The following VTI1A variants were observed in gnomAD, a reference collection of about 807,000 sequenced individuals.
VTI1A encodes the protein vesicle transport through interaction with t-SNAREs homolog 1A.
In VTI1A, 22 loss-of-function variants were observed where a neutral mutation model predicts 34.9. The observed-to-expected ratio is 0.63, with a 90% CI of 0.45 to 0.90. The LOEUF (loss-of-function observed/expected upper bound fraction) is 0.90. Ranked by LOEUF, VTI1A falls within the 40% of genes least tolerant of loss-of-function variation. The pLI, the probability that VTI1A is intolerant of heterozygous loss-of-function variation, is 0.00. For missense variants in VTI1A, 268 were observed against 275.6 expected (o/e 0.97, Z 0.20); for synonymous variants, 87 against 97.3 (o/e 0.89, Z 0.62).
intron 7 of VTI1A, among the ~76,000 whole-genome samples, chr10:112,802,693 A>G (rs895729256): frequency 6.6e-6 from 1 of 152,246 alleles, no homozygotes; most frequent in South Asian, 2.1e-4. Context: ...CATGCTTTAC[A>G]GATGTTCAGA....
rs1848513311 is a variant in VTI1A at position 112,688,660 on chromosome 10, T to TA, written c.560+19663dup. 3.9e-5 allele frequency among the ~76,000 whole-genome samples: 6 copies of TA among 152,056 alleles called. No individual in the cohort carries two copies. In the South Asian group the frequency reaches 1.2e-3, roughly 32 times the overall value. The stretch of plus-strand genomic sequence containing the variant: ...CCTCAGCCTCCCTAGTACCTGGGAT[T>TA]ACAGGCACATACCACCACACCCAGC... On this transcript the variant is annotated intron_variant, in intron 7 of 7. Coordinates refer to ENST00000393077, the MANE Select transcript of VTI1A (RefSeq NM_145206.4).
chr10:112,598,047 G>T (rs1844734514), intron 5 of VTI1A, among the ~76,000 whole-genome samples: 1 of 152,078 alleles, frequency 6.6e-6, no homozygotes, highest in South Asian at 2.1e-4. Flanking sequence ...ACCTATGAGG[G>T]ATACCTGGTG....
At chr10:112,773,315 A>G (rs936268918) in intron 7 of VTI1A, among the ~76,000 whole-genome samples, 4 of 152,314 alleles carry the variant, frequency 2.6e-5, no homozygotes, top group Middle Eastern at 3.4e-3. Flanking sequence ...AGTACCTGGT[A>G]CCTAGTTGCC....
intron 7 of VTI1A, among the ~76,000 whole-genome samples, chr10:112,710,234 G>A (rs1849364444): frequency 6.8e-6 from 1 of 146,096 alleles, no homozygotes; most frequent in African/African-American, 2.6e-5. Flanking sequence ...CCGAGATGGA[G>A]TCTTGCTCTG....
chr10:112,459,501 TA>T (rs1204201494), intron 1 of VTI1A, among the ~76,000 whole-genome samples: 1 of 152,228 alleles, frequency 6.6e-6, no homozygotes, highest in Non-Finnish European at 1.5e-5. Flanking sequence ...CAGCTAGGAT[TA>T]GATGCCGGTC....
intron 7 of VTI1A, among the ~76,000 whole-genome samples, chr10:112,772,461 G>A (rs978817763): frequency 3.9e-5 from 6 of 152,118 alleles, no homozygotes; most frequent in Admixed American, 1.3e-4. Context: ...TTGTATATAC[G>A]ATCTGCAAAC....
chr10:112,826,021 G>A, the VTI1A span: 1 of 152,152 alleles, frequency 6.6e-6, no homozygotes, highest in Non-Finnish European at 1.5e-5. Context: ...GTGAGACTGG[G>A]GAAGAAAGCA....
At chr10:112,578,952 G>GA (rs1269662637) in intron 5 of VTI1A, among the ~76,000 whole-genome samples, 1 of 152,212 alleles carries the variant, frequency 6.6e-6, no homozygotes, top group African/African-American at 2.4e-5. Context: ...TATTCCTGGT[G>GA]ACATCAGCAG....
chr10:112,585,663 C>CTT (rs61436886), intron 5 of VTI1A, among the ~76,000 whole-genome samples: 4,940 of 117,244 alleles, frequency 0.042, 128 homozygotes, highest in African/African-American at 0.054. Context: ...TTGTGGATTT[C>CTT]TTTTTTTTTT....
At chr10:112,651,459 C>T (rs1433317630) in intron 5 of VTI1A, among the ~76,000 whole-genome samples, 1 of 152,108 alleles carries the variant, frequency 6.6e-6, no homozygotes, top group Non-Finnish European at 1.5e-5. Context: ...TACAGGCATG[C>T]ACCACCACAC....
intron 7 of VTI1A, among the ~76,000 whole-genome samples, chr10:112,700,749 A>G (rs1185772387): frequency 6.6e-6 from 1 of 152,158 alleles, no homozygotes; most frequent in African/African-American, 2.4e-5. Flanking sequence ...GTACTTTGTG[A>G]TTGATTTTTT....
At chr10:112,754,239 T>C (rs938753162) in intron 7 of VTI1A, among the ~76,000 whole-genome samples, 3 of 152,190 alleles carry the variant, frequency 2.0e-5, no homozygotes, top group Non-Finnish European at 2.9e-5. Context: ...TTTTTGTTAT[T>C]ACTTGATTTA....
At chr10:112,639,644 T>C (rs539198199) in intron 5 of VTI1A, among the ~76,000 whole-genome samples, 11 of 152,206 alleles carry the variant, frequency 7.2e-5, no homozygotes, top group African/African-American at 2.4e-4. Context: ...CTGAAAACAC[T>C]AACATCCAAG....
intron 5 of VTI1A, among the ~76,000 whole-genome samples, chr10:112,562,461 C>T (rs1194715222): frequency 6.6e-6 from 1 of 151,734 alleles, no homozygotes; most frequent in Non-Finnish European, 1.5e-5. Flanking sequence ...GCTATATTTT[C>T]CTAAGTAATA....
intron 3 of VTI1A, among the ~76,000 whole-genome samples, chr10:112,500,348 T>C (rs1849186091): frequency 6.6e-6 from 1 of 151,638 alleles, no homozygotes; most frequent in African/African-American, 2.4e-5. Flanking sequence ...GGCAGGAGAA[T>C]TGCTTGAACC....
chr10:112,593,827 C>T (rs780839625), intron 5 of VTI1A, among the ~76,000 whole-genome samples: 56 of 152,262 alleles, frequency 3.7e-4, no homozygotes, highest in Admixed American at 1.0e-3. Context: ...AGCTTCGCCT[C>T]CCGGGCTCAC....
At chr10:112,688,016 C>T (rs923275967) in intron 7 of VTI1A, among the ~76,000 whole-genome samples, 21 of 147,904 alleles carry the variant, frequency 1.4e-4, no homozygotes, top group African/African-American at 5.1e-4. Flanking sequence ...TGCAGTGGCG[C>T]GATCTCAGCT....
intron 6 of VTI1A, among the ~76,000 whole-genome samples, chr10:112,668,562 G>C (rs989934802): frequency 1.3e-5 from 2 of 152,096 alleles, no homozygotes; most frequent in Non-Finnish European, 2.9e-5. Flanking sequence ...TCATCTTTTA[G>C]AGTGAAAACT....
chr10:112,451,099 A>G (rs1316669013), intron 1 of VTI1A, among the ~76,000 whole-genome samples: 2 of 152,254 alleles, frequency 1.3e-5, no homozygotes, highest in Middle Eastern at 3.2e-3. Flanking sequence ...GTACCAAGAA[A>G]GTATTACAGC....
Sources: gnomAD v4.1 joint callset for allele counts (sites outside exome capture counted in the v4.1 genomes callset) on GRCh38, gnomAD v4.1.1 for gene constraint, MANE v1.5 for transcripts, NCBI Gene and HGNC (gene_info 2026-07-23, HGNC 2026-07-21) for gene names.